Variants in TCERG1L observed in about 807,000 individuals in gnomAD.
TCERG1L encodes the protein transcription elongation regulator 1-like protein.
A neutral mutation model predicts 56.3 loss-of-function variants in TCERG1L; 37 were observed. That is an observed-to-expected ratio of 0.66 (90% CI 0.51 to 0.87). The LOEUF is 0.87. Among genes scored for constraint, TCERG1L ranks in the 40% least tolerant of loss-of-function variants. The probability of loss-of-function intolerance (pLI) is 0.00; values close to 1 mark genes in which losing one functional copy is unlikely to be tolerated. For synonymous variants in TCERG1L, 324 were observed against 326.3 expected (o/e 0.99, Z 0.08); for missense variants, 799 against 774.2 (o/e 1.03, Z -0.38).
intron 9 of TCERG1L, among the ~76,000 whole-genome samples, chr10:131,108,777 C>T (rs938464974): frequency 2.0e-5 from 3 of 152,172 alleles, no homozygotes; most frequent in African/African-American, 7.2e-5. Context: ...GCGTCTGGTG[C>T]TTGGGGTCCT....
chr10:131,204,428 C>T (rs73396431), intron 4 of TCERG1L, among the ~76,000 whole-genome samples: 9,359 of 141,486 alleles, frequency 0.066, 952 homozygotes, highest in African/African-American at 0.22. Context: ...ATCTACATGG[C>T]CTCCATATGC....
intron 4 of TCERG1L, among the ~76,000 whole-genome samples, chr10:131,180,414 C>T (rs939846760): frequency 6.6e-6 from 1 of 152,204 alleles, no homozygotes; most frequent in Non-Finnish European, 1.5e-5. Flanking sequence ...ATGTCATATA[C>T]AACATATATA....
intron 4 of TCERG1L, among the ~76,000 whole-genome samples, chr10:131,248,206 C>T (rs74734520): frequency 0.011 from 1,634 of 151,154 alleles, 36 homozygotes; most frequent in African/African-American, 0.037. Context: ...ACTACTCACA[C>T]ACAACTCTCT....
At chr10:131,265,435 G>C (rs1437665714) in intron 3 of TCERG1L, among the ~76,000 whole-genome samples, 2 of 152,160 alleles carry the variant, frequency 1.3e-5, no homozygotes, top group Non-Finnish European at 1.5e-5. Flanking sequence ...TTACATCATT[G>C]GTAGATGAGA....
intron 9 of TCERG1L, among the ~76,000 whole-genome samples, chr10:131,110,341 T>G (rs2133385812): frequency 6.6e-6 from 1 of 152,256 alleles, no homozygotes; most frequent in Middle Eastern, 3.4e-3. Context: ...CCTCTAAAAC[T>G]TCTCCTCCTT....
At chr10:131,271,873 T>C (rs1313324142) in intron 3 of TCERG1L, among the ~76,000 whole-genome samples, 1 of 152,142 alleles carries the variant, frequency 6.6e-6, no homozygotes, top group Non-Finnish European at 1.5e-5. Context: ...CAAACAACCA[T>C]TAGTTTATTA....
rs140600092 is a variant in TCERG1L, at chr10:131,093,277, T to C, written c.1646A>G (p.Gln549Arg). The change falls in exon 12 of 12, where the codon CAG becomes CGG. Residue 549 changes from glutamine to arginine, a missense_variant. Gln to Arg is a conservative substitution (Grantham distance 43, BLOSUM62 1). Coordinates refer to ENST00000368642, the MANE Select transcript of TCERG1L (RefSeq NM_174937.4). ...KEFAEKYGRD[Q>R]RFRLVQKRKD... ...TCTTTTTTGAACAAGTCGGAACCTC[T>C]GATCCCGGCCGTATTTCTCTGCAAA... The C allele has an allele frequency of 1.2e-4, 200 of 1,613,884 alleles. No individual in the cohort carries two copies. The highest frequency in any genetic ancestry group is 1.6e-4 in the Non-Finnish European group (190 of 1,179,866).
intron 4 of TCERG1L, among the ~76,000 whole-genome samples, chr10:131,179,471 TGC>T (rs1845146110): frequency 6.6e-6 from 1 of 152,188 alleles, no homozygotes; most frequent in Admixed American, 6.5e-5. Flanking sequence ...AACACAGCCC[TGC>T]CCTCCCTCGG....
At chr10:131,301,435 A>T (rs939744614) in intron 3 of TCERG1L, among the ~76,000 whole-genome samples, 2 of 152,104 alleles carry the variant, frequency 1.3e-5, no homozygotes, top group African/African-American at 4.8e-5. Context: ...ATCCTAAAGG[A>T]TTAACAGAAA....
intron 8 of TCERG1L, among the ~76,000 whole-genome samples, chr10:131,133,786 G>A (rs1045204750): frequency 7.9e-5 from 12 of 152,192 alleles, no homozygotes; most frequent in Admixed American, 6.5e-4. Flanking sequence ...TCCCTACCTC[G>A]GTGCATGGCA....
intron 4 of TCERG1L, among the ~76,000 whole-genome samples, chr10:131,241,744 T>C (rs1393364398): frequency 1.3e-5 from 2 of 152,154 alleles, no homozygotes; most frequent in African/African-American, 2.4e-5. Flanking sequence ...TGTATACATA[T>C]ACATGCTTAT....
Position 131,093,300 on chromosome 10 carries a change from A to G in TCERG1L, c.1623T>C (p.Phe541=), listed in dbSNP as rs1337678961. Residue 541 remains phenylalanine (F), a synonymous_variant, in exon 12 of 12, where the codon TTT becomes TTC. Transcript: ENST00000368642. ...TCTGATCCCGGCCGTATTTCTCTGC[A>G]AACTCCTTAAACGTGGTCCTGAAAA... The part of the protein sequence containing the change: ...KVSPRTTFKE[F]AEKYGRDQRF... 1 of 1,613,666 alleles carries G rather than the reference A, an allele frequency of 6.2e-7. No individual in the cohort carries two copies. Among genetic ancestry groups the G allele is most frequent in the East Asian group, 2.2e-5 (1 of 44,896 alleles).
Position 131,107,946 on chromosome 10 carries a change from CAT to C in TCERG1L, c.1396-3594_1396-3593del, listed in dbSNP as rs1477438176. ...ATGCACACATTGATACACACATGCA[CAT>C]GTGTGCCTACACACACACACACACA... is the stretch of plus-strand genomic sequence containing the variant. On this transcript the variant is annotated intron_variant, in intron 9 of 11. Transcript: ENST00000368642. 5.7e-5 allele frequency among the ~76,000 whole-genome samples: 8 copies of C among 140,986 alleles called. 1 individual carries two copies. The highest frequency in any genetic ancestry group is 4.9e-4 in the South Asian group (2 of 4,058). 92.5% of individuals were successfully genotyped at this position (140,986 alleles called of 152,430 possible).
At chr10:131,262,632 T>G (rs1026762951) in intron 3 of TCERG1L, among the ~76,000 whole-genome samples, 1 of 152,202 alleles carries the variant, frequency 6.6e-6, no homozygotes, top group Non-Finnish European at 1.5e-5. Flanking sequence ...TTACAGTTCA[T>G]GAGCTGACAA....
At chr10:131,232,040 C>T (rs963432955) in intron 4 of TCERG1L, among the ~76,000 whole-genome samples, 2 of 152,232 alleles carry the variant, frequency 1.3e-5, no homozygotes, top group Admixed American at 1.3e-4. Flanking sequence ...CTTAATGCTG[C>T]AGTGTCTGCC....
At chr10:131,138,038 G>C (rs766425785) in intron 7 of TCERG1L, among the ~76,000 whole-genome samples, 14 of 152,216 alleles carry the variant, frequency 9.2e-5, no homozygotes, top group Non-Finnish European at 2.9e-5. Flanking sequence ...GGACGCAGAG[G>C]TGGGCAGATC....
chr10:131,242,666 G>A (rs769054951), intron 4 of TCERG1L, among the ~76,000 whole-genome samples: 8 of 152,268 alleles, frequency 5.3e-5, no homozygotes, highest in East Asian at 3.9e-4. Flanking sequence ...ATACATACTC[G>A]TTGACCATCT....
intron 3 of TCERG1L, among the ~76,000 whole-genome samples, chr10:131,295,470 CTT>C (rs1564836159): frequency 6.6e-6 from 1 of 152,202 alleles, no homozygotes; most frequent in African/African-American, 2.4e-5. Context: ...CAGGTTCTGT[CTT>C]TGTTTTGTTT....
intron 4 of TCERG1L, among the ~76,000 whole-genome samples, chr10:131,196,486 T>A (rs185200965): frequency 6.6e-6 from 1 of 152,232 alleles, no homozygotes; most frequent in Non-Finnish European, 1.5e-5. Context: ...GGCCTGAGCA[T>A]GTTCTGAGGA....
Sources: gnomAD v4.1 joint callset for allele counts (sites outside exome capture counted in the v4.1 genomes callset) on GRCh38, gnomAD v4.1.1 for gene constraint, MANE v1.5 for transcripts, NCBI Gene and HGNC (gene_info 2026-07-23, HGNC 2026-07-21) for gene names.